SCFD2: variants seen among roughly 807,000 people sequenced by gnomAD.
The protein encoded by SCFD2 is sec1 family domain-containing protein 2.
Under a neutral mutation model 58.9 loss-of-function variants are expected in SCFD2, and 54 were observed. The ratio of observed to expected loss-of-function variants is 0.92; its 90% confidence interval spans 0.74 to 1.15. The LOEUF (loss-of-function observed/expected upper bound fraction) is 1.15, where lower values mean the gene tolerates loss of function less well. SCFD2 is among the 50% of genes most tolerant of loss of function. The probability of loss-of-function intolerance (pLI) is 0.00; values close to 1 mark genes in which losing one functional copy is unlikely to be tolerated. For synonymous variants in SCFD2, 321 were observed against 335.9 expected, an observed-to-expected ratio of 0.96 and a Z score of 0.49; for missense variants, 805 against 836.6, an observed-to-expected ratio of 0.96 and a Z score of 0.47.
chr4:53,324,642 C>T (rs1733129463), intron 2 of SCFD2, among the ~76,000 whole-genome samples: 1 of 152,046 alleles, frequency 6.6e-6, no homozygotes, highest in African/African-American at 2.4e-5. Flanking sequence ...ATGGCCAAGG[C>T]AGGGTAAGCA....
intron 2 of SCFD2, among the ~76,000 whole-genome samples, chr4:53,327,851 T>C (rs1406983069): frequency 1.3e-5 from 2 of 152,056 alleles, no homozygotes; most frequent in Non-Finnish European, 2.9e-5. Context: ...GAGATTAGCA[T>C]AGAAATAAAG....
chr4:53,062,160 T>G (rs1274119825), intron 5 of SCFD2, among the ~76,000 whole-genome samples: 2 of 151,792 alleles, frequency 1.3e-5, no homozygotes, highest in African/African-American at 4.8e-5. Context: ...TCACTTGAGG[T>G]CAGGAGTTCA....
chr4:52,943,510 C>A (rs1720344911), intron 5 of SCFD2, among the ~76,000 whole-genome samples: 1 of 152,108 alleles, frequency 6.6e-6, no homozygotes, highest in South Asian at 2.1e-4. Flanking sequence ...ATTAATCTGG[C>A]CTTCAAGCAC....
intron 7 of SCFD2, among the ~76,000 whole-genome samples, chr4:52,898,676 G>A (rs938990857): frequency 2.0e-5 from 3 of 152,130 alleles, no homozygotes; most frequent in Non-Finnish European, 4.4e-5. Flanking sequence ...GGTCTGCTTG[G>A]TGCAGAGCTG....
At chr4:52,906,866 T>G (rs957128572) in intron 7 of SCFD2, among the ~76,000 whole-genome samples, 9 of 152,172 alleles carry the variant, frequency 5.9e-5, no homozygotes, top group Non-Finnish European at 1.2e-4. Context: ...ATTTAGAAAC[T>G]CTACAGTAGG....
intron 7 of SCFD2, among the ~76,000 whole-genome samples, chr4:52,906,874 A>G (rs1719360172): frequency 6.6e-6 from 1 of 152,200 alleles, no homozygotes; most frequent in African/African-American, 2.4e-5. Context: ...ACTCTACAGT[A>G]GGTTAAAAAT....
intron 6 of SCFD2, among the ~76,000 whole-genome samples, chr4:52,910,111 G>T (rs76385544): frequency 3.9e-5 from 6 of 152,330 alleles, no homozygotes; most frequent in African/African-American, 1.4e-4. Context: ...CACATTACCA[G>T]CTGGCTAAAA....
chr4:53,147,515 A>T (rs1726368828), intron 4 of SCFD2, among the ~76,000 whole-genome samples: 1 of 152,238 alleles, frequency 6.6e-6, no homozygotes, highest in African/African-American at 2.4e-5. Flanking sequence ...AGTCCTTGGA[A>T]TGGACGAGGT....
At chr4:53,354,323 C>T (rs1372532803) in intron 1 of SCFD2, among the ~76,000 whole-genome samples, 2 of 152,224 alleles carry the variant, frequency 1.3e-5, no homozygotes, top group African/African-American at 2.4e-5. Flanking sequence ...CAGCTGCTGG[C>T]CCAGGTGCTA....
At chr4:52,969,074 T>C (rs1721032733) in intron 5 of SCFD2, among the ~76,000 whole-genome samples, 1 of 152,212 alleles carries the variant, frequency 6.6e-6, no homozygotes, top group Non-Finnish European at 1.5e-5. Flanking sequence ...CCCTGGCCTG[T>C]CTTTGGCAAG....
At chr4:53,108,771 T>C (rs768505531) in intron 5 of SCFD2, among the ~76,000 whole-genome samples, 6 of 152,096 alleles carry the variant, frequency 3.9e-5, no homozygotes, top group Non-Finnish European at 7.4e-5. Flanking sequence ...GAGTCACAGC[T>C]GAATTCTACC....
At chr4:53,297,555 T>C (rs922476337) in intron 3 of SCFD2, among the ~76,000 whole-genome samples, 4 of 152,190 alleles carry the variant, frequency 2.6e-5, no homozygotes, top group East Asian at 1.9e-4. Context: ...TGTCCTTGCA[T>C]GTGAGATGGG....
At position 53,352,733 on chromosome 4, in the gene SCFD2, T is replaced by C. The variant is rs1206587290; in HGVS notation, c.872A>G (p.Glu291Gly). 1.2e-6 allele frequency: 2 copies of C among 1,614,144 alleles called. No homozygotes were observed. Among genetic ancestry groups the C allele is most frequent in the Non-Finnish European group, 1.7e-6 (2 of 1,179,998 alleles). Residue 291 changes from glutamate to glycine, a missense_variant, in exon 2 of 9, where the codon GAG becomes GGG. Around this residue, in one of 3 missense-constraint regions of SCFD2, gnomAD observed 633 missense variants for 646.8 expected, o/e 0.98. Transcript: ENST00000401642. ...AVGHHGDNLVEKIISALPQLP... is the reference protein window; with the variant it reads ...AVGHHGDNLVGKIISALPQLP... ...CTGGGGAAGTGCTGAAATGATCTTC[T>C]CTACTAAGTTGTCTCCATGATGTCC... is the stretch of plus-strand genomic sequence containing the variant.
At chr4:52,947,127 A>T (rs573439707) in intron 5 of SCFD2, among the ~76,000 whole-genome samples, 1 of 152,272 alleles carries the variant, frequency 6.6e-6, no homozygotes, top group East Asian at 1.9e-4. Flanking sequence ...CTCAGCTAGA[A>T]AAAAGTCTTG....
chr4:52,878,101 C>T (rs1718522033), intron 8 of SCFD2, among the ~76,000 whole-genome samples: 2 of 152,206 alleles, frequency 1.3e-5, no homozygotes, highest in African/African-American at 4.8e-5. Context: ...CCCAGACCAC[C>T]CCTCCCGCAA....
chr4:52,900,304 A>G (rs1337512046), intron 7 of SCFD2, among the ~76,000 whole-genome samples: 1 of 152,058 alleles, frequency 6.6e-6, no homozygotes, highest in South Asian at 2.1e-4. Context: ...GTCTTTGATG[A>G]TGGTGACGTA....
chr4:53,358,425 T>C (rs1734458820), intron 1 of SCFD2, among the ~76,000 whole-genome samples: 1 of 152,018 alleles, frequency 6.6e-6, no homozygotes, highest in Non-Finnish European at 1.5e-5. Flanking sequence ...GTGGCTTTCC[T>C]GCCTGTAATT....
chr4:53,180,410 A>G (rs1727507969), intron 4 of SCFD2, among the ~76,000 whole-genome samples: 1 of 152,232 alleles, frequency 6.6e-6, no homozygotes, highest in African/African-American at 2.4e-5. Flanking sequence ...TACTGGGTAA[A>G]TAATGAAATG....
At chr4:53,166,223 T>C (rs1482133214) in intron 4 of SCFD2, among the ~76,000 whole-genome samples, 1 of 152,236 alleles carries the variant, frequency 6.6e-6, no homozygotes, top group African/African-American at 2.4e-5. Flanking sequence ...TGAATAATGC[T>C]GCTATAAACA....
Sources: allele counts gnomAD v4.1 joint callset (sites outside exome capture counted in the v4.1 genomes callset), GRCh38; gene constraint gnomAD v4.1.1; regional missense constraint gnomAD v4.1.1; transcripts MANE v1.5; gene names NCBI Gene and HGNC (gene_info 2026-07-23, HGNC 2026-07-21).